Variants in CHRDL1 observed in about 807,000 individuals in gnomAD.
The protein encoded by CHRDL1 is chordin like 1.
A neutral mutation model predicts 40.9 loss-of-function variants in CHRDL1; 19 were observed. The observed-to-expected ratio is 0.46, with a 90% CI of 0.32 to 0.68. The LOEUF (loss-of-function observed/expected upper bound fraction) is 0.68. Ranked by LOEUF, CHRDL1 falls within the 30% of genes least tolerant of loss-of-function variation. The pLI, the probability that CHRDL1 is intolerant of heterozygous loss-of-function variation, is 0.03. For synonymous variants in CHRDL1, 136 were observed against 123.4 expected (o/e 1.10, Z -0.68); for missense variants, 329 against 352.1 (o/e 0.93, Z 0.53).
rs183345831 is a variant in CHRDL1 at position 110,755,586 on chromosome X, G to A, written c.301+4075C>T. On this transcript the variant is annotated intron_variant, in intron 4 of 11. Coordinates refer to ENST00000372042, the MANE Select transcript of CHRDL1 (RefSeq NM_001143981.2). ...TGAGTCTGTTACCACCTAGGCAAAA[G>A]CTTCTCTAAATCAATACTGCTATAG... Among the ~76,000 whole-genome samples, 242 of 112,291 alleles carry A rather than the reference G, an allele frequency of 2.2e-3. 2 individuals are homozygous for A. Among genetic ancestry groups the A allele is most frequent in the Non-Finnish European group, 3.5e-3 (188 of 53,223 alleles).
rs768341295 is a variant in CHRDL1, at chrX:110,676,300, T to A, written c.1308A>T (p.Val436=). ...AQISQMCSSR[V]CRTELEDLVK... The stretch of plus-strand genomic sequence containing the variant: ...CTAAATCTTCAAGCTCTGTTCTGCA[T>A]ACACGACTTGAACACATCTGGCTGA... Residue 436 remains valine (V), a synonymous_variant, in exon 12 of 12, where the codon GTA becomes GTT. Transcript: ENST00000372042. The A allele has an allele frequency of 3.3e-6, 4 of 1,206,469 alleles. No homozygotes were observed. Among genetic ancestry groups the A allele is most frequent in the Non-Finnish European group, 4.5e-6 (4 of 891,947 alleles).
chrX:110,710,060 A>G (rs2070719874), intron 6 of CHRDL1, among the ~76,000 whole-genome samples: 1 of 111,947 alleles, frequency 8.9e-6, no homozygotes, highest in Non-Finnish European at 1.9e-5. Flanking sequence ...CATGAACTGA[A>G]AATAAAAAGC....
chrX:110,769,802 G>A (rs1048565308), intron 2 of CHRDL1, among the ~76,000 whole-genome samples: 16 of 111,668 alleles, frequency 1.4e-4, no homozygotes, highest in African/African-American at 4.2e-4. Context: ...CTGACCTCCC[G>A]CCGGGTTTCT....
At chrX:110,786,998 T>A (rs1355501159) in intron 2 of CHRDL1, among the ~76,000 whole-genome samples, 1 of 111,855 alleles carries the variant, frequency 8.9e-6, no homozygotes, top group Non-Finnish European at 1.9e-5. Flanking sequence ...AACAGAACAC[T>A]TAATTCGGAG....
intron 6 of CHRDL1, among the ~76,000 whole-genome samples, chrX:110,702,150 C>G (rs773146721): frequency 3.6e-5 from 4 of 111,229 alleles, no homozygotes; most frequent in Non-Finnish European, 7.5e-5. Flanking sequence ...ACAATCACCC[C>G]CTACTGCCTA....
In CHRDL1 at chrX:110,714,103, G is replaced by A. The variant is rs545143094; in HGVS notation, c.541+5732C>T. 1.5e-4 allele frequency among the ~76,000 whole-genome samples: 17 copies of A among 110,472 alleles called. No individual in the cohort carries two copies. The South Asian group carries it at 6.3e-3, about 41-fold the overall frequency. ...GATACCTATGAAAGTCTGTTACATA[G>A]GTAAACTCCTGTCATGAGGGTTTGT... On this transcript the variant is annotated intron_variant, in intron 6 of 11. Coordinates refer to ENST00000372042, the MANE Select transcript of CHRDL1 (RefSeq NM_001143981.2).
chrX:110,773,057 C>T (rs1274831786), intron 2 of CHRDL1, among the ~76,000 whole-genome samples: 2 of 112,290 alleles, frequency 1.8e-5, no homozygotes, highest in Admixed American at 1.9e-4. Context: ...CCAAATACTA[C>T]ATCTTATTCA....
At chrX:110,765,580 T>C (rs1186460290) in intron 2 of CHRDL1, among the ~76,000 whole-genome samples, 1 of 112,112 alleles carries the variant, frequency 8.9e-6, no homozygotes, top group African/African-American at 3.2e-5. Context: ...TGTTTTTGTT[T>C]GCTTTGCTGA....
intron 2 of CHRDL1, among the ~76,000 whole-genome samples, chrX:110,787,563 G>A (rs1352495225): frequency 1.8e-5 from 2 of 112,336 alleles, no homozygotes; most frequent in East Asian, 5.6e-4. Flanking sequence ...TCTGGAGGAG[G>A]AAAACCCATG....
At chrX:110,715,984 A>T (rs2070834533) in intron 6 of CHRDL1, among the ~76,000 whole-genome samples, 1 of 112,610 alleles carries the variant, frequency 8.9e-6, no homozygotes, top group Non-Finnish European at 1.9e-5. Context: ...GTATGGAAAG[A>T]TCCAGGGCCT....
chrX:110,728,180 A>G (rs954250878), intron 4 of CHRDL1, among the ~76,000 whole-genome samples: 2 of 110,500 alleles, frequency 1.8e-5, no homozygotes, highest in African/African-American at 6.6e-5. Flanking sequence ...ATATATAACC[A>G]CTAAAAGTTA....
At chrX:110,775,993 CAG>C (rs760955068) in intron 2 of CHRDL1, among the ~76,000 whole-genome samples, 1 of 111,606 alleles carries the variant, frequency 9.0e-6, no homozygotes, top group South Asian at 3.7e-4. Context: ...ATGTGTAGAA[CAG>C]ATATGTTCTA....
At chrX:110,705,085 G>T (rs1317811712) in intron 6 of CHRDL1, among the ~76,000 whole-genome samples, 5 of 108,644 alleles carry the variant, frequency 4.6e-5, no homozygotes, top group Non-Finnish European at 9.5e-5. Flanking sequence ...CATTATAGAA[G>T]CACATAGCGC....
chrX:110,715,178 T>C (rs1356787738), intron 6 of CHRDL1, among the ~76,000 whole-genome samples: 2 of 111,598 alleles, frequency 1.8e-5, no homozygotes, highest in Non-Finnish European at 3.8e-5. Context: ...CTAGCTTTTA[T>C]CTGTTGCTTC....
Position 110,727,300 on chromosome X carries a change from T to C in CHRDL1, c.302-5770A>G, listed in dbSNP as rs952825832. Among the ~76,000 whole-genome samples the C allele has an allele frequency of 5.4e-5, 6 of 111,975 alleles. No individual in the cohort carries two copies. In the East Asian group the frequency reaches 1.7e-3, roughly 31 times the overall value. On this transcript the variant is annotated intron_variant, in intron 4 of 11. Transcript: ENST00000372042. The stretch of plus-strand genomic sequence containing the variant: ...GTGCTGCTTTAGGATTCTTCAGAGG[T>C]ACTTGAGGGATGTGAAAAAAAAAAT...
intron 6 of CHRDL1, among the ~76,000 whole-genome samples, chrX:110,714,685 A>G (rs1230639182): frequency 9.0e-6 from 1 of 111,633 alleles, no homozygotes; most frequent in East Asian, 2.8e-4. Flanking sequence ...ATCCGCGTCT[A>G]GGATTGCTGT....
chrX:110,719,823 TA>T lies in CHRDL1; in HGVS notation c.541+11del, dbSNP rs772448512. ...AGCAGCACCCAGGGGTCTTGGGATA[TA>T]ACACACCTACCTCTGCATACCCGGC... On this transcript the variant is annotated intron_variant, in intron 6 of 11. Transcript: ENST00000372042. 7.0e-6 allele frequency: 8 copies of T among 1,150,387 alleles called. No homozygotes were observed. The highest frequency in any genetic ancestry group is 2.4e-4 in the Middle Eastern group (1 of 4,202). The allele number at this position is 1,150,387 out of a possible 1,213,427, so 94.8% of individuals were successfully genotyped here.
chrX:110,717,390 A>G (rs2070862573), intron 6 of CHRDL1, among the ~76,000 whole-genome samples: 1 of 111,879 alleles, frequency 8.9e-6, no homozygotes, highest in Non-Finnish European at 1.9e-5. Flanking sequence ...AAGAATATTG[A>G]CCTATAAAGG....
chrX:110,724,060 G>A (rs2071012692), intron 4 of CHRDL1, among the ~76,000 whole-genome samples: 1 of 111,073 alleles, frequency 9.0e-6, no homozygotes, highest in African/African-American at 3.3e-5. Flanking sequence ...ACAGAAGCAG[G>A]CCCATTTGCC....
Sources: allele counts gnomAD v4.1 joint callset (sites outside exome capture counted in the v4.1 genomes callset), GRCh38; gene constraint gnomAD v4.1.1; transcripts MANE v1.5; gene names NCBI Gene and HGNC (gene_info 2026-07-23, HGNC 2026-07-21).